The following SIL1 variants were observed in gnomAD, a reference collection of about 807,000 sequenced individuals.
SIL1 encodes the protein SIL1 nucleotide exchange factor.
In SIL1, 40 loss-of-function variants were observed where a neutral mutation model predicts 49.1. The ratio of observed to expected loss-of-function variants is 0.81; its 90% CI spans 0.63 to 1.06. The LOEUF (loss-of-function observed/expected upper bound fraction) is 1.06, where lower values mean the gene tolerates loss of function less well. Ranked by LOEUF, SIL1 falls within the 50% of genes least tolerant of loss-of-function variation. The probability of loss-of-function intolerance (pLI) is 0.00; values close to 1 mark genes in which losing one functional copy is unlikely to be tolerated. For missense variants in SIL1, 500 were observed against 572.6 expected (o/e 0.87, Z 1.29); for synonymous variants, 253 against 250.8 (o/e 1.01, Z -0.08).
At chr5:139,144,811 C>T (rs1441934770) in intron 1 of SIL1, among the ~76,000 whole-genome samples, 1 of 151,994 alleles carries the variant, frequency 6.6e-6, no homozygotes, top group Non-Finnish European at 1.5e-5. Flanking sequence ...GTGGAGGTTG[C>T]AGTGAGCTGA....
chr5:139,119,298 T>TAACCCTC (rs1750557182), intron 3 of SIL1, among the ~76,000 whole-genome samples: 1 of 152,078 alleles, frequency 6.6e-6, no homozygotes, highest in African/African-American at 2.4e-5. Flanking sequence ...GCCCAGAGGG[T>TAACCCTC]TGGGCAAGGG....
At chr5:138,958,005 C>T (rs1315971136) in intron 7 of SIL1, among the ~76,000 whole-genome samples, 6 of 152,006 alleles carry the variant, frequency 3.9e-5, no homozygotes, top group Non-Finnish European at 8.8e-5. Flanking sequence ...GCAATCCTCC[C>T]GCCCTGGCCT....
intron 3 of SIL1, among the ~76,000 whole-genome samples, chr5:139,073,573 A>C (rs1453170809): frequency 3.3e-5 from 5 of 152,308 alleles, no homozygotes; most frequent in Admixed American, 1.3e-4. Context: ...GATGTTGGTC[A>C]AAGGATACAA....
intron 7 of SIL1, among the ~76,000 whole-genome samples, chr5:139,020,827 TG>T (rs1285543078): frequency 6.6e-6 from 1 of 152,204 alleles, no homozygotes; most frequent in Non-Finnish European, 1.5e-5. Flanking sequence ...CGTCACTAGA[TG>T]TAGCTTTACT....
intron 1 of SIL1, among the ~76,000 whole-genome samples, chr5:139,189,964 G>A (rs1029715335): frequency 1.3e-5 from 2 of 152,190 alleles, no homozygotes; most frequent in Admixed American, 6.5e-5. Flanking sequence ...GGGGACTGCT[G>A]TTTTACATTG....
intron 3 of SIL1, among the ~76,000 whole-genome samples, chr5:139,097,330 T>C (rs1292276102): frequency 6.6e-6 from 1 of 151,944 alleles, no homozygotes; most frequent in Non-Finnish European, 1.5e-5. Context: ...TACCTGCTCA[T>C]TGTAGAACCC....
In SIL1 at chr5:139,009,017, T is replaced by C. The variant is rs1768188423; in HGVS notation, c.767+12154A>G. 2.6e-5 allele frequency among the ~76,000 whole-genome samples: 4 copies of C among 151,022 alleles called. No individual in the cohort carries two copies. In the South Asian group the frequency reaches 6.3e-4, roughly 24 times the overall value. ...GCTGAGTTCAATTCCTGGGTATCCTTGTTGACTTTCTGTCTCGTTGATCTG... is the reference window on the plus strand; with the variant it reads ...GCTGAGTTCAATTCCTGGGTATCCTCGTTGACTTTCTGTCTCGTTGATCTG... On this transcript the variant is annotated intron_variant, in intron 7 of 9. Coordinates refer to ENST00000394817, the MANE Select transcript of SIL1 (RefSeq NM_022464.5).
At chr5:138,995,172 T>C (rs906529861) in intron 7 of SIL1, among the ~76,000 whole-genome samples, 6 of 152,210 alleles carry the variant, frequency 3.9e-5, no homozygotes, top group African/African-American at 1.4e-4. Context: ...ATGGGATACA[T>C]GTGCTATTTA....
At chr5:139,190,926 G>A (rs2151823342) in intron 1 of SIL1, among the ~76,000 whole-genome samples, 1 of 152,050 alleles carries the variant, frequency 6.6e-6, no homozygotes, top group Middle Eastern at 3.2e-3. Context: ...GATGGGGTGT[G>A]GGGAAAAACA....
intron 7 of SIL1, among the ~76,000 whole-genome samples, chr5:138,978,189 T>G (rs1767433678): frequency 7.2e-6 from 1 of 137,992 alleles, no homozygotes; most frequent in East Asian, 2.5e-4. Context: ...TGCCCCCCCA[T>G]ACCTATTACT....
chr5:139,170,122 G>A (rs540146729), intron 1 of SIL1, among the ~76,000 whole-genome samples: 2 of 152,242 alleles, frequency 1.3e-5, no homozygotes, highest in Non-Finnish European at 2.9e-5. Context: ...GCCAGCCTCG[G>A]CCTCCCGAGG....
chr5:139,059,982 A>T (rs950789342), intron 3 of SIL1, among the ~76,000 whole-genome samples: 3 of 152,224 alleles, frequency 2.0e-5, no homozygotes, highest in Non-Finnish European at 4.4e-5. Context: ...ACTAGATTAC[A>T]GCATGTATGT....
At chr5:139,001,256 T>C (rs943411489) in intron 7 of SIL1, among the ~76,000 whole-genome samples, 2 of 152,202 alleles carry the variant, frequency 1.3e-5, no homozygotes, top group African/African-American at 4.8e-5. Flanking sequence ...TTTTGAAACA[T>C]AGTGGTTTAT....
At chr5:139,080,003 T>G (rs890450850) in intron 3 of SIL1, among the ~76,000 whole-genome samples, 10 of 152,146 alleles carry the variant, frequency 6.6e-5, no homozygotes, top group Admixed American at 1.3e-4. Flanking sequence ...AAACCTATAT[T>G]TACACTTCTG....
In SIL1 at chr5:139,001,860, C is replaced by T. The variant is rs560939340; in HGVS notation, c.767+19311G>A. Among the ~76,000 whole-genome samples the T allele has an allele frequency of 7.7e-4, 117 of 151,726 alleles. 1 individual carries two copies. Among genetic ancestry groups the T allele is most frequent in the African/African-American group, 2.7e-3 (111 of 41,358 alleles). On this transcript the variant is annotated intron_variant, in intron 7 of 9. Coordinates refer to ENST00000394817, the MANE Select transcript of SIL1 (RefSeq NM_022464.5). Reference sequence around the variant, plus strand: ...GCAGAGGTTGCCGTGAGCCAAGTCGCGCCACTGCACTCCAGCCTGGGTGAC... The same window carrying T: ...GCAGAGGTTGCCGTGAGCCAAGTCGTGCCACTGCACTCCAGCCTGGGTGAC...
At chr5:139,002,945 C>T (rs935625060) in intron 7 of SIL1, among the ~76,000 whole-genome samples, 1 of 152,116 alleles carries the variant, frequency 6.6e-6, no homozygotes, top group Non-Finnish European at 1.5e-5. Context: ...GCAGTCAGTT[C>T]CTTCGGGAAG....
intron 1 of SIL1, among the ~76,000 whole-genome samples, chr5:139,153,006 C>T (rs1393678379): frequency 2.0e-5 from 3 of 152,118 alleles, no homozygotes; most frequent in Admixed American, 6.5e-5. Flanking sequence ...TTAGTAGAGA[C>T]GGGGTTTCTC....
chr5:139,152,299 TAC>T (rs1337184867), intron 1 of SIL1, among the ~76,000 whole-genome samples: 1 of 152,202 alleles, frequency 6.6e-6, no homozygotes, highest in Admixed American at 6.5e-5. Context: ...ATTACAAGTA[TAC>T]ATCTTGATTA....
intron 3 of SIL1, among the ~76,000 whole-genome samples, chr5:139,109,695 TAAAA>T (rs534819027): frequency 6.6e-5 from 8 of 121,540 alleles, no homozygotes; most frequent in African/African-American, 1.8e-4. Context: ...AAGGGGATGT[TAAAA>T]AAAAAAAAAA....
Sources: allele counts gnomAD v4.1 joint callset (sites outside exome capture counted in the v4.1 genomes callset), GRCh38; gene constraint gnomAD v4.1.1; transcripts MANE v1.5; gene names NCBI Gene and HGNC (gene_info 2026-07-23, HGNC 2026-07-21).